The following SRRM4 variants were observed in gnomAD, a reference collection of about 807,000 sequenced individuals.
SRRM4 encodes serine/arginine repetitive matrix 4, also known as serine/arginine repetitive matrix protein 4.
A neutral mutation model predicts 68.9 loss-of-function variants in SRRM4; 33 were observed. The observed-to-expected ratio is 0.48, with a 90% CI of 0.36 to 0.64. SRRM4 has a LOEUF of 0.64. Ranked by LOEUF, SRRM4 falls within the 30% of genes least tolerant of loss-of-function variation. SRRM4 has a pLI of 0.00. For missense variants in SRRM4, 817 were observed against 827.1 expected (o/e 0.99, Z 0.15); for synonymous variants, 318 against 318.8 (o/e 1.00, Z 0.03).
At chr12:119,016,905 G>A (rs1300180103) in intron 1 of SRRM4, among the ~76,000 whole-genome samples, 2 of 152,182 alleles carry the variant, frequency 1.3e-5, no homozygotes, top group Non-Finnish European at 2.9e-5. Context: ...GTCACTTCAT[G>A]TTTCTGCACC....
intron 1 of SRRM4, among the ~76,000 whole-genome samples, chr12:119,028,208 A>G (rs1953561621): frequency 1.3e-5 from 2 of 152,164 alleles, no homozygotes; most frequent in Non-Finnish European, 2.9e-5. Context: ...CCTTAAAATA[A>G]CTCTGTGAAG....
intron 2 of SRRM4, 64 bp from the exon 3 acceptor site, chr12:119,114,214 C>T (rs190406091): frequency 4.1e-6 from 6 of 1,449,216 alleles, no homozygotes; most frequent in Admixed American, 3.6e-5. Flanking sequence ...CTGGCTGCAC[C>T]AGCTCTGGTT....
In SRRM4 at chr12:119,144,807, A is replaced by T. The variant is rs536552381; in HGVS notation, c.772-574A>T. On this transcript the variant is annotated intron_variant, in intron 8 of 12. Coordinates refer to ENST00000267260, the MANE Select transcript of SRRM4 (RefSeq NM_194286.4). ...TTAAAAAAACAAAAAACAAACTCTC[A>T]TCTTTATTTCATTTCTTTTCCCCAT... Among the ~76,000 whole-genome samples, 3 of 152,152 alleles carry T rather than the reference A, an allele frequency of 2.0e-5. No homozygotes were observed. In the East Asian group the frequency reaches 5.8e-4, roughly 29 times the overall value.
At position 119,156,611 on chromosome 12, in the gene SRRM4, C is replaced by CCCGGAGCCGGAGTCGGAG. The variant is rs759898483; in HGVS notation, c.1662_1679dup (p.Ser554_Arg559dup). The CCCGGAGCCGGAGTCGGAG allele has an allele frequency of 4.2e-5, 67 of 1,610,152 alleles. No individual in the cohort carries two copies. The highest frequency in any genetic ancestry group is 7.7e-5 in the South Asian group (7 of 90,550). On this transcript the variant is annotated inframe_insertion, in exon 13 of 13. Transcript: ENST00000267260. Reference sequence around the variant, plus strand: ...AGCCGCTCGGCCAGCCGCAGCTACTCCCGGAGCCGGAGTCGGAGCCGGAGC... The same window carrying CCCGGAGCCGGAGTCGGAG: ...AGCCGCTCGGCCAGCCGCAGCTACTCCCGGAGCCGGAGTCGGAGCCGGAGCCGGAGTCGGAGCCGGAGC...
At chr12:119,024,458 A>G (rs1425389725) in intron 1 of SRRM4, among the ~76,000 whole-genome samples, 1 of 152,214 alleles carries the variant, frequency 6.6e-6, no homozygotes, top group Non-Finnish European at 1.5e-5. Flanking sequence ...CAGCCCCTGC[A>G]AGCCCCCTCG....
chr12:118,991,436 T>C (rs1953316305), intron 1 of SRRM4, among the ~76,000 whole-genome samples: 1 of 152,214 alleles, frequency 6.6e-6, no homozygotes, highest in Non-Finnish European at 1.5e-5. Context: ...AGACATTACT[T>C]TCTTATCACT....
intron 2 of SRRM4, among the ~76,000 whole-genome samples, chr12:119,103,873 G>A (rs989459695): frequency 1.9e-4 from 29 of 152,132 alleles, no homozygotes; most frequent in Non-Finnish European, 1.6e-4. Flanking sequence ...GTGTGATGGT[G>A]CACACCTGTA....
chr12:119,075,677 G>A (rs1015174026), intron 1 of SRRM4, among the ~76,000 whole-genome samples: 9 of 141,682 alleles, frequency 6.4e-5, no homozygotes, highest in African/African-American at 2.1e-4. Context: ...GATGATGATG[G>A]TGATGATGGT....
rs759594671 is a variant in SRRM4, at chr12:119,130,661, C to G, written c.615-17C>G. On this transcript the variant is annotated splice_polypyrimidine_tract_variant and intron_variant, in intron 7 of 12. Transcript: ENST00000267260. Reference sequence around the variant, plus strand: ...TCCCCTTCAAAAGACCCTCAGGTCTCTCTCCCCCATCCCCAGGCACCGCGG... The same window carrying G: ...TCCCCTTCAAAAGACCCTCAGGTCTGTCTCCCCCATCCCCAGGCACCGCGG... The G allele has an allele frequency of 1.7e-5, 28 of 1,604,776 alleles. No individual in the cohort carries two copies. The highest frequency in any genetic ancestry group is 2.4e-5 in the Non-Finnish European group (28 of 1,176,138).
In SRRM4 at chr12:119,083,705, G is replaced by T. The variant is rs912416965; in HGVS notation, c.132-18531G>T. On this transcript the variant is annotated intron_variant, in intron 1 of 12. Transcript: ENST00000267260. The stretch of plus-strand genomic sequence containing the variant: ...ATTCCCAAGATGGCCAGGGACATTT[G>T]CTGGTCAGCTGGTGCTTTGGAAAAT... 5.9e-5 allele frequency among the ~76,000 whole-genome samples: 9 copies of T among 152,172 alleles called. No homozygotes were observed. The East Asian group carries it at 1.7e-3, about 29-fold the overall frequency.
chr12:119,060,539 T>A (rs1953804638), intron 1 of SRRM4, among the ~76,000 whole-genome samples: 1 of 151,804 alleles, frequency 6.6e-6, no homozygotes. Context: ...GTATCTTAAG[T>A]GTTCCTTATG....
intron 7 of SRRM4, among the ~76,000 whole-genome samples, chr12:119,125,871 AG>A (rs1954255749): frequency 6.6e-6 from 1 of 151,296 alleles, no homozygotes; most frequent in Non-Finnish European, 1.5e-5. Flanking sequence ...TGGTGAGCCA[AG>A]ATCACGCCAT....
At chr12:119,048,285 AG>A (rs1953720160) in intron 1 of SRRM4, among the ~76,000 whole-genome samples, 1 of 152,174 alleles carries the variant, frequency 6.6e-6, no homozygotes, top group African/African-American at 2.4e-5. Context: ...GTTCCAAATC[AG>A]GGGTGAGCCC....
intron 10 of SRRM4, 113 bp downstream of exon 10, chr12:119,151,333 T>C (rs1954438127): frequency 9.9e-7 from 1 of 1,006,074 alleles, no homozygotes; most frequent in Admixed American, 2.0e-5. Flanking sequence ...TAGGTTTGAA[T>C]ACTCGTTTTG....
chr12:119,032,974 T>C (rs1302855946), intron 1 of SRRM4, among the ~76,000 whole-genome samples: 1 of 152,216 alleles, frequency 6.6e-6, no homozygotes, highest in African/African-American at 2.4e-5. Flanking sequence ...ATTATATTCC[T>C]AATGATATGT....
chr12:119,135,291 T>C (rs1179254134), intron 8 of SRRM4, among the ~76,000 whole-genome samples: 2 of 152,132 alleles, frequency 1.3e-5, no homozygotes, highest in Non-Finnish European at 2.9e-5. Flanking sequence ...AGAGGAATTC[T>C]AGAAGGAGGC....
chr12:119,109,437 C>T (rs143347061), intron 2 of SRRM4, among the ~76,000 whole-genome samples: 6,310 of 141,922 alleles, frequency 0.044, 146 homozygotes, highest in African/African-American at 0.069. Flanking sequence ...CCATTCTCCC[C>T]GTCACTTTCA....
At chr12:118,996,944 T>TGAG (rs1200916078) in intron 1 of SRRM4, among the ~76,000 whole-genome samples, 7 of 152,220 alleles carry the variant, frequency 4.6e-5, no homozygotes, top group African/African-American at 1.7e-4. Flanking sequence ...AGGAAGGTTC[T>TGAG]GCACAGAGAT....
intron 7 of SRRM4, among the ~76,000 whole-genome samples, 151 bp downstream of exon 7, chr12:119,125,630 G>C (rs1001576749): frequency 6.6e-6 from 1 of 152,206 alleles, no homozygotes; most frequent in Non-Finnish European, 1.5e-5. Context: ...TGTAGAGAAA[G>C]GGCTGGAGAG....
Sources: gnomAD v4.1 joint callset for allele counts (sites outside exome capture counted in the v4.1 genomes callset) on GRCh38, gnomAD v4.1.1 for gene constraint, MANE v1.5 for transcripts, NCBI Gene and HGNC (gene_info 2026-07-23, HGNC 2026-07-21) for gene names.